Variants in CNTNAP2 observed in about 807,000 individuals in gnomAD.
CNTNAP2 encodes contactin-associated protein-like 2.
A neutral mutation model predicts 155.2 loss-of-function variants in CNTNAP2; 98 were observed. The observed-to-expected ratio is 0.63, with a 90% CI of 0.54 to 0.75. The LOEUF (loss-of-function observed/expected upper bound fraction) is 0.75, where lower values mean the gene tolerates loss of function less well. Ranked by LOEUF, CNTNAP2 falls within the 30% of genes least tolerant of loss-of-function variation. The pLI is 0.00. For synonymous variants in CNTNAP2, 651 were observed against 631.2 expected (o/e 1.03, Z -0.47); for missense variants, 1,727 against 1,688.1 (o/e 1.02, Z -0.40).
intron 13 of CNTNAP2, among the ~76,000 whole-genome samples, chr7:147,825,628 A>G (rs1462838418): frequency 2.6e-5 from 4 of 152,186 alleles, no homozygotes; most frequent in Non-Finnish European, 2.9e-5. Flanking sequence ...GAAAACCTGC[A>G]CTCGCTGTCT....
At chr7:148,292,740 G>T (rs999731536) in intron 21 of CNTNAP2, among the ~76,000 whole-genome samples, 12 of 152,090 alleles carry the variant, frequency 7.9e-5, no homozygotes, top group African/African-American at 1.2e-4. Context: ...CAGGGACCCT[G>T]GCCACCACTT....
intron 10 of CNTNAP2, among the ~76,000 whole-genome samples, chr7:147,463,284 CT>C (rs1490699485): frequency 6.6e-6 from 1 of 152,168 alleles, no homozygotes; most frequent in African/African-American, 2.4e-5. Flanking sequence ...TCTGAAGGAA[CT>C]ATTAAAAACA....
At chr7:148,262,798 A>G (rs76348301) in intron 20 of CNTNAP2, among the ~76,000 whole-genome samples, 19,335 of 152,136 alleles carry the variant, frequency 0.13, 1,580 homozygotes, top group Middle Eastern at 0.2. Context: ...TCCGCCCACC[A>G]TATCTCCATA....
At chr7:147,083,826 A>G (rs1425486851) in intron 4 of CNTNAP2, among the ~76,000 whole-genome samples, 6 of 141,764 alleles carry the variant, frequency 4.2e-5, no homozygotes, top group Non-Finnish European at 9.0e-5. Flanking sequence ...TTATATACAT[A>G]TACACATGTA....
At chr7:147,932,462 G>A (rs1469173424) in intron 14 of CNTNAP2, among the ~76,000 whole-genome samples, 1 of 152,072 alleles carries the variant, frequency 6.6e-6, no homozygotes, top group Admixed American at 6.5e-5. Context: ...AATGGGGAGA[G>A]GATGATTTCT....
chr7:147,077,123 T>C (rs1053929482), intron 4 of CNTNAP2, among the ~76,000 whole-genome samples: 2 of 152,170 alleles, frequency 1.3e-5, no homozygotes, highest in South Asian at 4.1e-4. Flanking sequence ...TAAAAAAGTA[T>C]TTTCTCATCC....
chr7:146,644,441 A>C (rs1423613398), intron 1 of CNTNAP2, among the ~76,000 whole-genome samples: 1 of 152,104 alleles, frequency 6.6e-6, no homozygotes. Flanking sequence ...GGTTCTGTTT[A>C]TATGCTGGAT....
At chr7:147,164,599 T>C (rs1412617969) in intron 8 of CNTNAP2, among the ~76,000 whole-genome samples, 1 of 152,194 alleles carries the variant, frequency 6.6e-6, no homozygotes, top group Non-Finnish European at 1.5e-5. Flanking sequence ...TCTCATGGAT[T>C]TTTAGAATTG....
chr7:146,831,371 G>A (rs1020350339), intron 2 of CNTNAP2, among the ~76,000 whole-genome samples: 2 of 151,768 alleles, frequency 1.3e-5, no homozygotes, highest in African/African-American at 2.4e-5. Flanking sequence ...ATCTGAATTC[G>A]AATGCTTCAA....
intron 1 of CNTNAP2, among the ~76,000 whole-genome samples, chr7:146,277,567 C>T (rs1800183412): frequency 6.6e-6 from 1 of 152,148 alleles, no homozygotes; most frequent in Non-Finnish European, 1.5e-5. Context: ...GATTCCTGCT[C>T]TTGATAATCC....
intron 1 of CNTNAP2, among the ~76,000 whole-genome samples, chr7:146,219,039 T>G (rs1262285505): frequency 6.6e-6 from 1 of 152,290 alleles, no homozygotes; most frequent in African/African-American, 2.4e-5. Context: ...CTCAGGAAAC[T>G]TAACAATCAT....
At chr7:146,532,979 G>A (rs1428296531) in intron 1 of CNTNAP2, among the ~76,000 whole-genome samples, 1 of 151,686 alleles carries the variant, frequency 6.6e-6, no homozygotes, top group Non-Finnish European at 1.5e-5. Context: ...GTGTGTGCCT[G>A]TAATCCCAGC....
At chr7:148,002,982 G>A (rs1301262444) in intron 15 of CNTNAP2, among the ~76,000 whole-genome samples, 1 of 152,198 alleles carries the variant, frequency 6.6e-6, no homozygotes, top group African/African-American at 2.4e-5. Flanking sequence ...ACCTGGGGAA[G>A]AAAGATGAAA....
intron 1 of CNTNAP2, among the ~76,000 whole-genome samples, chr7:146,662,099 C>T (rs1333751249): frequency 6.6e-6 from 1 of 150,494 alleles, no homozygotes; most frequent in Non-Finnish European, 1.5e-5. Flanking sequence ...ATCTGCCATC[C>T]TTATCTTTTC....
intron 21 of CNTNAP2, among the ~76,000 whole-genome samples, chr7:148,309,084 A>G (rs1251415905): frequency 1.3e-5 from 2 of 152,138 alleles, no homozygotes; most frequent in Non-Finnish European, 2.9e-5. Context: ...TCCTTTGGGT[A>G]TATAGCCAGT....
chr7:148,223,961 T>C (rs1046572637), intron 19 of CNTNAP2, among the ~76,000 whole-genome samples: 4 of 152,176 alleles, frequency 2.6e-5, no homozygotes, highest in Admixed American at 2.6e-4. Flanking sequence ...TGTGTGTTTG[T>C]ATCCTCAGAG....
chr7:146,711,572 G>A (rs924929045), intron 1 of CNTNAP2, among the ~76,000 whole-genome samples: 1 of 149,218 alleles, frequency 6.7e-6, no homozygotes, highest in Non-Finnish European at 1.5e-5. Context: ...ACACCATACT[G>A]TATTCAAAAC....
chr7:148,036,403 G>A (rs914513474), intron 15 of CNTNAP2, among the ~76,000 whole-genome samples: 5 of 152,108 alleles, frequency 3.3e-5, no homozygotes, highest in African/African-American at 4.8e-5. Flanking sequence ...CTGCCCTCAT[G>A]AAAATATTAG....
At chr7:146,822,123 T>C (rs906932118) in intron 2 of CNTNAP2, among the ~76,000 whole-genome samples, 4 of 152,180 alleles carry the variant, frequency 2.6e-5, no homozygotes, top group African/African-American at 7.2e-5. Context: ...ACATATACAC[T>C]ATGGAATACT....
Sources: allele counts gnomAD v4.1 joint callset (sites outside exome capture counted in the v4.1 genomes callset), GRCh38; gene constraint gnomAD v4.1.1; transcripts MANE v1.5; gene names NCBI Gene and HGNC (gene_info 2026-07-23, HGNC 2026-07-21).